The following TAPT1 variants were observed in gnomAD, a reference collection of about 807,000 sequenced individuals.
TAPT1 encodes transmembrane anterior posterior transformation 1.
In TAPT1, 28 loss-of-function variants were observed where a neutral mutation model predicts 65.6. The observed-to-expected ratio is 0.43, with a 90% CI of 0.32 to 0.59. The LOEUF is 0.59. TAPT1 is among the 20% of genes least tolerant of loss of function. The pLI, the probability that TAPT1 is intolerant of heterozygous loss-of-function variation, is 0.09. For missense variants in TAPT1, 563 were observed against 679.9 expected (o/e 0.83, Z 1.91); for synonymous variants, 278 against 245.2 (o/e 1.13, Z -1.25).
intron 3 of TAPT1, among the ~76,000 whole-genome samples, chr4:16,194,892 T>TTCC (rs1481826155): frequency 2.2e-5 from 3 of 136,578 alleles, no homozygotes; most frequent in Non-Finnish European, 4.9e-5. Flanking sequence ...CTTCTTCTTC[T>TTCC]TCTTATTTTT....
At chr4:16,187,059 A>G (rs1347025763) in intron 5 of TAPT1, among the ~76,000 whole-genome samples, 181 bp from the exon 6 acceptor site, 5 of 152,222 alleles carry the variant, frequency 3.3e-5, no homozygotes. Flanking sequence ...GGATATGTGC[A>G]ATCCACATGA....
Position 16,188,369 on chromosome 4 carries a change from T to A in TAPT1, c.613-14A>T, listed in dbSNP as rs1442732844. On this transcript the variant is annotated splice_polypyrimidine_tract_variant and intron_variant, in intron 4 of 13. Coordinates refer to ENST00000405303, the MANE Select transcript of TAPT1 (RefSeq NM_153365.3). ...ACGATCAGCTACCTAAAAAAAAAAATTATTTGTAAGATGTTTCTTAATATT... is the reference window on the plus strand; with the variant it reads ...ACGATCAGCTACCTAAAAAAAAAAAATATTTGTAAGATGTTTCTTAATATT... The A allele has an allele frequency of 7.9e-6, 12 of 1,512,216 alleles. No homozygotes were observed. The highest frequency in any genetic ancestry group is 2.3e-5 in the East Asian group (1 of 42,764). 93.7% of individuals were successfully genotyped at this position (1,512,216 alleles called of 1,614,324 possible).
In TAPT1 at chr4:16,197,495, A is replaced by C. The variant is rs961111577; in HGVS notation, c.449+4967T>G. Among the ~76,000 whole-genome samples the C allele has an allele frequency of 3.9e-5, 6 of 152,336 alleles. No homozygotes were observed. In the East Asian group the frequency reaches 1.2e-3, roughly 29 times the overall value. On this transcript the variant is annotated intron_variant, in intron 3 of 13. Coordinates refer to ENST00000405303, the MANE Select transcript of TAPT1 (RefSeq NM_153365.3). ...TTCTAAAGCACAAAACGAAGTCACA[A>C]ATTTCAGGAGAATAGAGGGCTGACA...
intron 12 of TAPT1, 105 bp from the exon 13 acceptor site, chr4:16,166,898 G>C (rs1336369409): frequency 7.3e-6 from 8 of 1,100,428 alleles, no homozygotes; most frequent in Non-Finnish European, 1.0e-5. Context: ...GCATGGGACG[G>C]TGACAGATTA....
intron 1 of TAPT1, among the ~76,000 whole-genome samples, chr4:16,223,317 A>C (rs920488545): frequency 3.3e-5 from 5 of 152,248 alleles, no homozygotes; most frequent in Non-Finnish European, 7.3e-5. Context: ...AGTGGGGAAC[A>C]AGCACAAAAA....
chr4:16,185,408 A>T (rs1197169446), intron 7 of TAPT1, among the ~76,000 whole-genome samples: 1 of 150,792 alleles, frequency 6.6e-6, no homozygotes. Context: ...CACTCTAGTC[A>T]CCCAGGCTGG....
intron 1 of TAPT1, among the ~76,000 whole-genome samples, chr4:16,215,760 T>C (rs1413860809): frequency 6.6e-6 from 1 of 152,244 alleles, no homozygotes; most frequent in Non-Finnish European, 1.5e-5. Flanking sequence ...TTAAAGGACT[T>C]AGTCTAACCA....
At chr4:16,165,345 C>G (rs943337935) in intron 13 of TAPT1, among the ~76,000 whole-genome samples, 1 of 151,774 alleles carries the variant, frequency 6.6e-6, no homozygotes, top group African/African-American at 2.4e-5. Context: ...CCGAGGCAGG[C>G]GGATCACGAG....
chr4:16,184,319 C>A (rs1013483908), intron 7 of TAPT1, among the ~76,000 whole-genome samples: 6 of 152,088 alleles, frequency 3.9e-5, no homozygotes, highest in African/African-American at 1.4e-4. Flanking sequence ...GCTTCTGAGA[C>A]CTACATAGCT....
intron 13 of TAPT1, among the ~76,000 whole-genome samples, chr4:16,163,858 T>C (rs1747413431): frequency 6.6e-6 from 1 of 152,172 alleles, no homozygotes; most frequent in Non-Finnish European, 1.5e-5. Flanking sequence ...AACATGACTG[T>C]TGGCAGTCCT....
chr4:16,225,105 T>C (rs1751467784), intron 1 of TAPT1, among the ~76,000 whole-genome samples: 1 of 152,140 alleles, frequency 6.6e-6, no homozygotes. Flanking sequence ...CTAAACCAAA[T>C]AAAGTATGGT....
chr4:16,195,303 C>A (rs891704806), intron 3 of TAPT1, among the ~76,000 whole-genome samples: 1 of 152,184 alleles, frequency 6.6e-6, no homozygotes, highest in Non-Finnish European at 1.5e-5. Context: ...GCCATTCAAC[C>A]CCGAACTGGC....
intron 1 of TAPT1, among the ~76,000 whole-genome samples, chr4:16,225,054 A>C (rs2108905755): frequency 6.6e-6 from 1 of 152,378 alleles, no homozygotes; most frequent in South Asian, 2.1e-4. Context: ...CCTGCCAATG[A>C]AGAAAGTAAA....
intron 7 of TAPT1, among the ~76,000 whole-genome samples, chr4:16,186,326 T>C (rs1749018162): frequency 6.6e-6 from 1 of 152,218 alleles, no homozygotes; most frequent in Admixed American, 6.5e-5. Flanking sequence ...TAGCGTATGG[T>C]GCTACACAAA....
chr4:16,189,469 C>T (rs1247421643), intron 4 of TAPT1, among the ~76,000 whole-genome samples: 4 of 152,200 alleles, frequency 2.6e-5, no homozygotes, highest in Admixed American at 2.0e-4. Flanking sequence ...ATAACAGCTA[C>T]CATTTAGGGA....
chr4:16,196,713 C>T, intron 3 of TAPT1: 2 of 1,287,680 alleles, frequency 1.6e-6, no homozygotes, highest in Non-Finnish European at 2.0e-6. Flanking sequence ...GAAAGTGCTC[C>T]TCCCTTCGGT....
chr4:16,227,012 G>A (rs768544969), upstream of TAPT1: 64 of 451,376 alleles, frequency 1.4e-4, no homozygotes, highest in African/African-American at 1.2e-3. Context: ...CGGGGGCCCG[G>A]CTCCAGATCA....
intron 3 of TAPT1, among the ~76,000 whole-genome samples, chr4:16,201,978 A>AG (rs1750058991): frequency 2.0e-5 from 3 of 152,160 alleles, no homozygotes; most frequent in Admixed American, 1.3e-4. Context: ...CCAGTAACTA[A>AG]GGCTCCACAG....
intron 2 of TAPT1, among the ~76,000 whole-genome samples, chr4:16,209,130 A>C (rs1016418012): frequency 1.3e-5 from 2 of 151,930 alleles, no homozygotes; most frequent in Non-Finnish European, 2.9e-5. Flanking sequence ...GTTCACACCT[A>C]ACAATTTTCC....
Sources: allele counts gnomAD v4.1 joint callset (sites outside exome capture counted in the v4.1 genomes callset), GRCh38; gene constraint gnomAD v4.1.1; transcripts MANE v1.5; gene names NCBI Gene and HGNC (gene_info 2026-07-23, HGNC 2026-07-21).